The following BICDL1 variants were observed in gnomAD, a reference collection of about 807,000 sequenced individuals.
The protein encoded by BICDL1 is BICD family like cargo adaptor 1.
BICDL1 carries 20 observed loss-of-function variants against 76.8 expected under a neutral mutation model. That is an observed-to-expected ratio of 0.26 (90% CI 0.18 to 0.38). BICDL1 has a LOEUF of 0.38. Ranked by LOEUF, BICDL1 falls within the 10% of genes least tolerant of loss-of-function variation. The pLI, the probability that BICDL1 is intolerant of heterozygous loss-of-function variation, is 1.00. For missense variants in BICDL1, 700 were observed against 798.6 expected (o/e 0.88, Z 1.49); for synonymous variants, 383 against 337.1 (o/e 1.14, Z -1.49).
At chr12:120,045,478 A>G (rs1804393112) in intron 2 of BICDL1, among the ~76,000 whole-genome samples, 1 of 152,204 alleles carries the variant, frequency 6.6e-6, no homozygotes, top group Admixed American at 6.5e-5. Context: ...ACGTATGTTT[A>G]TTGTGGCATT....
At chr12:120,009,238 G>A (rs1412313230) in intron 2 of BICDL1, among the ~76,000 whole-genome samples, 2 of 152,096 alleles carry the variant, frequency 1.3e-5, no homozygotes, top group Middle Eastern at 6.8e-3. Flanking sequence ...CGCCCGCCTC[G>A]GCCTCCCAAA....
Position 120,072,733 on chromosome 12 carries a change from A to G in BICDL1, c.1308+4A>G, listed in dbSNP as rs1345939255. Reference sequence around the variant, plus strand: ...TGTGGATGGCATGGAGCCCACGGTAAGAGGCCAGTCTGAGATGGTCCTTAC... The same window carrying G: ...TGTGGATGGCATGGAGCCCACGGTAGGAGGCCAGTCTGAGATGGTCCTTAC... On this transcript the variant is annotated splice_donor_region_variant and intron_variant, in intron 6 of 9. Coordinates refer to ENST00000548673, the MANE Select transcript of BICDL1 (RefSeq NM_001367886.1). 3.7e-6 allele frequency: 6 copies of G among 1,610,528 alleles called. No individual in the cohort carries two copies. In the South Asian group the frequency reaches 5.5e-5, roughly 15 times the overall value.
At chr12:120,013,843 T>C (rs1374886822) in intron 2 of BICDL1, among the ~76,000 whole-genome samples, 1 of 152,232 alleles carries the variant, frequency 6.6e-6, no homozygotes, top group East Asian at 1.9e-4. Flanking sequence ...TGATTTGTTC[T>C]GAAGACTGAA....
At chr12:120,009,453 A>G (rs1951912586) in intron 2 of BICDL1, among the ~76,000 whole-genome samples, 2 of 152,212 alleles carry the variant, frequency 1.3e-5, no homozygotes, top group Non-Finnish European at 2.9e-5. Flanking sequence ...CCCAAGATTC[A>G]GATTAATTAC....
intron 2 of BICDL1, among the ~76,000 whole-genome samples, chr12:120,025,485 A>G (rs746619527): frequency 2.0e-5 from 3 of 152,114 alleles, no homozygotes; most frequent in Non-Finnish European, 2.9e-5. Context: ...CATGGTCCCT[A>G]TGTGGTGTTT....
intron 2 of BICDL1, among the ~76,000 whole-genome samples, chr12:120,023,241 T>C (rs1952219044): frequency 6.6e-6 from 1 of 152,204 alleles, no homozygotes; most frequent in Non-Finnish European, 1.5e-5. Context: ...AAGATCTCAA[T>C]GTTTTAAGAA....
At chr12:120,007,417 C>T (rs1325637660) in intron 2 of BICDL1, among the ~76,000 whole-genome samples, 1 of 152,216 alleles carries the variant, frequency 6.6e-6, no homozygotes, top group Non-Finnish European at 1.5e-5. Flanking sequence ...TCCTCATTCA[C>T]AGTGACGGAA....
chr12:120,091,450 G>C, intron 9 of BICDL1: 1 of 1,001,166 alleles, frequency 1.0e-6, no homozygotes, highest in Non-Finnish European at 1.2e-6. Context: ...ATTTAGCGTA[G>C]ATTTTACTGA....
intron 2 of BICDL1, among the ~76,000 whole-genome samples, chr12:120,025,514 C>A (rs1163762151): frequency 6.6e-6 from 1 of 152,154 alleles, no homozygotes; most frequent in East Asian, 1.9e-4. Context: ...GTTCTCTCTT[C>A]AGCTCGCTCA....
chr12:120,091,150 C>G, intron 9 of BICDL1: 1 of 1,214,458 alleles, frequency 8.2e-7, no homozygotes, highest in South Asian at 1.5e-5. Flanking sequence ...TGTGACATGC[C>G]CTCAAGTCCC....
In BICDL1 at chr12:120,059,689, C is replaced by T. The variant is rs77079236; in HGVS notation, c.646-2021C>T. ...GCTCCCAAAATGCTGGGAGTACAGACGTGAGTTACCCTGCCCAGCCTATTT... is the reference window on the plus strand; with the variant it reads ...GCTCCCAAAATGCTGGGAGTACAGATGTGAGTTACCCTGCCCAGCCTATTT... On this transcript the variant is annotated intron_variant, in intron 2 of 9. Transcript: ENST00000548673. 5.7e-3 allele frequency among the ~76,000 whole-genome samples: 872 copies of T among 151,950 alleles called. 7 individuals are homozygous for T. Among genetic ancestry groups the T allele is most frequent in the Middle Eastern group, 0.014 (4 of 294 alleles).
chr12:120,042,176 A>G (rs1426301566), intron 2 of BICDL1, among the ~76,000 whole-genome samples: 2 of 152,166 alleles, frequency 1.3e-5, no homozygotes, highest in Non-Finnish European at 2.9e-5. Context: ...GATAAATCTC[A>G]TATAGCACCT....
intron 2 of BICDL1, among the ~76,000 whole-genome samples, chr12:120,017,748 G>A (rs1221683844): frequency 6.6e-6 from 1 of 151,988 alleles, no homozygotes; most frequent in Non-Finnish European, 1.5e-5. Context: ...AAAAGAAAAT[G>A]TGTCAAGATT....
At chr12:120,007,424 G>A (rs754134650) in intron 2 of BICDL1, among the ~76,000 whole-genome samples, 12 of 152,126 alleles carry the variant, frequency 7.9e-5, no homozygotes, top group Non-Finnish European at 1.5e-4. Context: ...TCACAGTGAC[G>A]GAAGCTGAAT....
chr12:119,998,541 T>G lies in BICDL1; in HGVS notation c.450T>G (p.His150Gln). Residue 150 changes from histidine to glutamine, a missense_variant, in exon 2 of 10, where the codon CAT (histidine) becomes CAG (glutamine). By Grantham distance (24) the His-to-Gln change is conservative. Around this residue, in one of 3 missense-constraint regions of BICDL1, gnomAD observed 20 missense variants for 50.3 expected, o/e 0.40. Transcript: ENST00000548673. Reference sequence around the variant, plus strand: ...CCCAGCACTTAGAGCAAGAGAAACATGAATTGAGAAGACGATTTGAGAACC... The same window carrying G: ...CCCAGCACTTAGAGCAAGAGAAACAGGAATTGAGAAGACGATTTGAGAACC... ...DKLEHLEQEKHELRRRFENRE... is the reference protein window; with the variant it reads ...DKLEHLEQEKQELRRRFENRE... 1 of 1,609,194 alleles carries G rather than the reference T, an allele frequency of 6.2e-7. No homozygotes were observed.
At chr12:120,056,073 T>C (rs1952965354) in intron 2 of BICDL1, among the ~76,000 whole-genome samples, 1 of 152,192 alleles carries the variant, frequency 6.6e-6, no homozygotes, top group Non-Finnish European at 1.5e-5. Flanking sequence ...GATACATACA[T>C]ATGAATAGAA....
At chr12:120,007,700 T>TA (rs1951876163) in intron 2 of BICDL1, among the ~76,000 whole-genome samples, 1 of 152,244 alleles carries the variant, frequency 6.6e-6, no homozygotes, top group African/African-American at 2.4e-5. Flanking sequence ...AGATCCTTGT[T>TA]CTTTAAACAG....
In BICDL1 at chr12:120,094,349, T is replaced by G; in HGVS notation, c.*1188T>G. The G allele has an allele frequency of 2.2e-6, 1 of 453,424 alleles. No homozygotes were observed. The highest frequency in any genetic ancestry group is 4.4e-6 in the Non-Finnish European group (1 of 225,004). 28.1% of individuals were successfully genotyped at this position (453,424 alleles called of 1,614,324 possible). A position where few individuals can be genotyped will look rare whatever the true frequency, so the allele number is the denominator to read the frequency against. On this transcript the variant is annotated 3_prime_UTR_variant, in exon 10 of 10. Coordinates refer to ENST00000548673, the MANE Select transcript of BICDL1 (RefSeq NM_001367886.1). ...ATGTGTACATACCACAGTGCTGTAA[T>G]TTTGTATGTAGCAATCATGTAAATA...
chr12:120,016,434 C>CTTTTTTTTT (rs1174613877), intron 2 of BICDL1, among the ~76,000 whole-genome samples: 1 of 95,870 alleles, frequency 1.0e-5, no homozygotes, highest in Non-Finnish European at 2.0e-5. Flanking sequence ...TGTCTGTAAC[C>CTTTTTTTTT]TTTTTTTTTT....
Sources: gnomAD v4.1 joint callset for allele counts (sites outside exome capture counted in the v4.1 genomes callset) on GRCh38, gnomAD v4.1.1 for gene constraint, gnomAD v4.1.1 regional missense constraint, MANE v1.5 for transcripts, NCBI Gene and HGNC (gene_info 2026-07-23, HGNC 2026-07-21) for gene names.